The following NDST4 variants were observed in gnomAD, a reference collection of about 807,000 sequenced individuals.
The protein encoded by NDST4 is N-deacetylase and N-sulfotransferase 4.
NDST4 carries 63 observed loss-of-function variants against 100.8 expected under a neutral mutation model. The observed-to-expected ratio is 0.62, with a 90% confidence interval of 0.51 to 0.77. The LOEUF (loss-of-function observed/expected upper bound fraction) is 0.77. Among genes scored for constraint, NDST4 ranks in the 30% least tolerant of loss-of-function variants. The probability of loss-of-function intolerance (pLI) is 0.00; values close to 1 mark genes in which losing one functional copy is unlikely to be tolerated. For synonymous variants in NDST4, 377 were observed against 361.8 expected (o/e 1.04, Z -0.48); for missense variants, 943 against 1,018.4 (o/e 0.93, Z 1.01).
intron 6 of NDST4, among the ~76,000 whole-genome samples, chr4:114,890,092 G>A (rs1242755951): frequency 6.6e-6 from 1 of 151,946 alleles, no homozygotes; most frequent in Non-Finnish European, 1.5e-5. Flanking sequence ...TTTAATGCAT[G>A]TGTACAAATT....
intron 2 of NDST4, among the ~76,000 whole-genome samples, chr4:115,032,618 A>G (rs1728138909): frequency 6.6e-6 from 1 of 152,160 alleles, no homozygotes; most frequent in Non-Finnish European, 1.5e-5. Flanking sequence ...TTATATAATT[A>G]AATAATAGAG....
intron 6 of NDST4, among the ~76,000 whole-genome samples, chr4:114,878,120 G>T (rs552182358): frequency 3.5e-4 from 54 of 152,268 alleles, no homozygotes; most frequent in African/African-American, 1.3e-3. Context: ...CAGATGAGTA[G>T]TAAAAAGGTT....
chr4:114,952,384 G>C (rs186270401), intron 4 of NDST4, among the ~76,000 whole-genome samples: 33 of 152,148 alleles, frequency 2.2e-4, no homozygotes, highest in South Asian at 8.3e-4. Flanking sequence ...GCTATTTGGT[G>C]GGTGGGAGGG....
At chr4:114,847,950 C>G (rs1339565727) in intron 9 of NDST4, among the ~76,000 whole-genome samples, 6 of 152,204 alleles carry the variant, frequency 3.9e-5, no homozygotes, top group Non-Finnish European at 8.8e-5. Context: ...TTTAAATACC[C>G]TTATGAATAA....
At chr4:115,005,444 A>T (rs376562426) in intron 2 of NDST4, among the ~76,000 whole-genome samples, 1 of 152,168 alleles carries the variant, frequency 6.6e-6, no homozygotes. Flanking sequence ...ATATGGCAGA[A>T]GTGGCAAGCA....
chr4:114,894,086 C>G (rs1222394178), intron 6 of NDST4, among the ~76,000 whole-genome samples: 1 of 152,034 alleles, frequency 6.6e-6, no homozygotes, highest in African/African-American at 2.4e-5. Context: ...CTGTTCTGCT[C>G]CATTGATCTA....
At chr4:114,962,317 CAATAA>C (rs57651310) in intron 4 of NDST4, among the ~76,000 whole-genome samples, 9 of 150,576 alleles carry the variant, frequency 6.0e-5, no homozygotes, top group Non-Finnish European at 1.2e-4. Context: ...GACAATTAGA[CAATAA>C]AATAAAATAA....
intron 4 of NDST4, among the ~76,000 whole-genome samples, chr4:114,968,878 T>C (rs911351991): frequency 6.6e-5 from 10 of 152,052 alleles, no homozygotes; most frequent in African/African-American, 2.2e-4. Flanking sequence ...ATGGGGATCA[T>C]CTGGGAAGTT....
At chr4:114,848,383 CA>C (rs1414545533) in intron 8 of NDST4, 45 bp from the exon 9 acceptor site, 1 of 1,379,728 alleles carries the variant, frequency 7.2e-7, no homozygotes, top group Non-Finnish European at 9.8e-7. Context: ...CAATAAGAGA[CA>C]AAATATTATT....
chr4:114,929,074 GTCCATCCATCCA>G (rs1295994273), intron 6 of NDST4, among the ~76,000 whole-genome samples: 365 of 120,520 alleles, frequency 3.0e-3, no homozygotes, highest in Middle Eastern at 0.012. Context: ...CCGTCCGTCC[GTCCATCCATCCA>G]TCCATCCATC....
intron 2 of NDST4, among the ~76,000 whole-genome samples, chr4:114,988,024 T>A (rs1726950212): frequency 6.6e-6 from 1 of 152,202 alleles, no homozygotes; most frequent in South Asian, 2.1e-4. Context: ...CTGCAAGTGA[T>A]CTGTACAAAG....
chr4:115,089,936 C>T (rs545311204), intron 1 of NDST4, among the ~76,000 whole-genome samples: 187 of 151,832 alleles, frequency 1.2e-3, no homozygotes, highest in African/African-American at 4.2e-3. Flanking sequence ...TATGTCCCCA[C>T]AGAATTTATC....
chr4:114,915,046 A>G (rs1725141242), intron 6 of NDST4, among the ~76,000 whole-genome samples: 3 of 152,184 alleles, frequency 2.0e-5, no homozygotes, highest in Non-Finnish European at 4.4e-5. Flanking sequence ...AACAAGAAGA[A>G]AAAATTAAAT....
At chr4:114,944,494 C>T (rs1480193837) in intron 4 of NDST4, among the ~76,000 whole-genome samples, 1 of 152,124 alleles carries the variant, frequency 6.6e-6, no homozygotes, top group African/African-American at 2.4e-5. Context: ...CCTACTTATT[C>T]CTTTGTAAAT....
chr4:115,016,936 G>A (rs1349563853), intron 2 of NDST4, among the ~76,000 whole-genome samples: 1 of 151,886 alleles, frequency 6.6e-6, no homozygotes, highest in Admixed American at 6.6e-5. Flanking sequence ...ACCAGTTGTA[G>A]AAAAAGAACT....
At chr4:114,887,563 C>A (rs1578366640) in intron 6 of NDST4, among the ~76,000 whole-genome samples, 2 of 152,174 alleles carry the variant, frequency 1.3e-5, no homozygotes, top group East Asian at 3.9e-4. Context: ...AACTTATAAG[C>A]ATTGATGTCT....
At chr4:115,001,897 A>T (rs918987016) in intron 2 of NDST4, among the ~76,000 whole-genome samples, 2 of 152,208 alleles carry the variant, frequency 1.3e-5, no homozygotes, top group Non-Finnish European at 2.9e-5. Context: ...CATGGTAAAT[A>T]TGTAAGAGCC....
At chr4:114,908,464 T>C (rs1724997667) in intron 6 of NDST4, among the ~76,000 whole-genome samples, 1 of 152,162 alleles carries the variant, frequency 6.6e-6, no homozygotes, top group Admixed American at 6.6e-5. Flanking sequence ...TCTTCTCCTC[T>C]GGAACAGTAA....
chr4:114,967,819 G>A (rs1726418190), intron 4 of NDST4, among the ~76,000 whole-genome samples: 1 of 152,072 alleles, frequency 6.6e-6, no homozygotes, highest in South Asian at 2.1e-4. Flanking sequence ...AAAGCAAGAT[G>A]TAATTGCATG....
Sources: gnomAD v4.1 joint callset for allele counts (sites outside exome capture counted in the v4.1 genomes callset) on GRCh38, gnomAD v4.1.1 for gene constraint, MANE v1.5 for transcripts, NCBI Gene and HGNC (gene_info 2026-07-23, HGNC 2026-07-21) for gene names.